Variants in KALRN observed in about 807,000 individuals in gnomAD.
KALRN encodes the protein kalirin.
In KALRN, 70 loss-of-function variants were observed where a neutral mutation model predicts 353.7. The ratio of observed to expected loss-of-function variants is 0.20; its 90% CI spans 0.16 to 0.24. The LOEUF is 0.24. Among genes scored for constraint, KALRN ranks in the 10% least tolerant of loss-of-function variants. KALRN has a pLI of 1.00. For missense variants in KALRN, 2,791 were observed against 3,756.7 expected, an observed-to-expected ratio of 0.74 and a Z score of 6.72; for synonymous variants, 1,391 against 1,434.8, an observed-to-expected ratio of 0.97 and a Z score of 0.69.
At chr3:124,184,289 ATGT>A (rs938684936) in intron 1 of KALRN, among the ~76,000 whole-genome samples, 32 of 152,204 alleles carry the variant, frequency 2.1e-4, no homozygotes, top group Non-Finnish European at 3.4e-4. Context: ...CTACCTCATA[ATGT>A]TGTTGTAAGG....
intron 1 of KALRN, among the ~76,000 whole-genome samples, chr3:124,178,761 A>G (rs1438856840): frequency 1.3e-5 from 2 of 152,200 alleles, no homozygotes; most frequent in East Asian, 3.8e-4. Flanking sequence ...ATTACTGTAC[A>G]CTACCAGACT....
intron 10 of KALRN, among the ~76,000 whole-genome samples, chr3:124,355,543 A>G (rs2083292176): frequency 6.6e-6 from 1 of 152,100 alleles, no homozygotes; most frequent in Non-Finnish European, 1.5e-5. Context: ...AGTGAAGCCA[A>G]TTTTAGCTTA....
chr3:124,634,102 G>A (rs2081091377), intron 36 of KALRN, 149 bp downstream of exon 36: 2 of 644,720 alleles, frequency 3.1e-6, no homozygotes, highest in Admixed American at 5.3e-5. Context: ...TCTCTATTTG[G>A]TAGGTGTCCC....
chr3:124,269,316 T>C, intron 5 of KALRN, 61 bp downstream of exon 5: 2 of 1,484,710 alleles, frequency 1.3e-6, no homozygotes, highest in Non-Finnish European at 1.8e-6. Flanking sequence ...AGGTTGCTCA[T>C]CCAACTTTCT....
chr3:124,338,582 C>G (rs768295983), intron 9 of KALRN, among the ~76,000 whole-genome samples: 3 of 152,004 alleles, frequency 2.0e-5, no homozygotes, highest in Admixed American at 6.6e-5. Context: ...AGAATAAGTG[C>G]GATGTGGTCC....
chr3:124,539,921 T>TGGGGGG (rs1239673391), intron 33 of KALRN, among the ~76,000 whole-genome samples: 3 of 95,544 alleles, frequency 3.1e-5, no homozygotes, highest in African/African-American at 1.8e-4. Flanking sequence ...CTAATTTTTT[T>TGGGGGG]TGGGGGGGGG....
At position 124,251,355 on chromosome 3, in the gene KALRN, C is replaced by CTTT. The variant is rs57628448; in HGVS notation, c.264-13130_264-13128dup. On this transcript the variant is annotated intron_variant, in intron 3 of 59. Coordinates refer to ENST00000682506, the MANE Select transcript of KALRN (RefSeq NM_001388419.1). ...TGCGGCGTGGCATGGCAAGTCTTTGCTTTTTTTTTTTTTTTCTTTTTTTCT... is the reference window on the plus strand; with the variant it reads ...TGCGGCGTGGCATGGCAAGTCTTTGCTTTTTTTTTTTTTTTTTTCTTTTTTTCT... Among the ~76,000 whole-genome samples, 38 of 133,654 alleles carry CTTT rather than the reference C, an allele frequency of 2.8e-4. 1 individual carries two copies. Among genetic ancestry groups the CTTT allele is most frequent in the Non-Finnish European group, 4.0e-4 (25 of 62,858 alleles). 87.7% of individuals were successfully genotyped at this position (133,654 alleles called of 152,430 possible). A position where few individuals can be genotyped will look rare whatever the true frequency, so the allele number is the denominator to read the frequency against.
chr3:124,394,594 A>G (rs2089925710), intron 11 of KALRN, among the ~76,000 whole-genome samples: 1 of 152,240 alleles, frequency 6.6e-6, no homozygotes, highest in Admixed American at 6.5e-5. Context: ...CCACATCTTT[A>G]GCATTCAGCT....
intron 2 of KALRN, among the ~76,000 whole-genome samples, chr3:124,228,901 G>A (rs897668462): frequency 6.6e-6 from 1 of 152,030 alleles, no homozygotes; most frequent in Non-Finnish European, 1.5e-5. Flanking sequence ...CTTGGCTTGT[G>A]GCTGCATCAT....
chr3:124,033,678 C>T lies in KALRN; in HGVS notation c.-63C>T, dbSNP rs2039101934. On this transcript the variant is annotated 5_prime_UTR_variant, in exon 1 of 60. Coordinates refer to ENST00000682506, the MANE Select transcript of KALRN (RefSeq NM_001388419.1). This position sits in a 1 kb window ranked among gnomAD's most constrained non-coding sequence, Gnocchi z 6.2. Reference sequence around the variant, plus strand: ...CCCGCGCCCTCCGCCCACCGGGCGCCGAGCAGCCCTCGGCCCCAGGCTTCT... The same window carrying T: ...CCCGCGCCCTCCGCCCACCGGGCGCTGAGCAGCCCTCGGCCCCAGGCTTCT... Among the ~76,000 whole-genome samples the T allele has an allele frequency of 1.3e-5, 2 of 151,746 alleles. No individual in the cohort carries two copies. The highest frequency in any genetic ancestry group is 2.9e-5 in the Non-Finnish European group (2 of 67,876).
intron 33 of KALRN, among the ~76,000 whole-genome samples, chr3:124,542,502 T>C (rs2069140437): frequency 6.6e-6 from 1 of 152,212 alleles, no homozygotes; most frequent in Admixed American, 6.5e-5. Context: ...CCTTTCTAAA[T>C]TGAATGTCAC....
chr3:124,684,840 G>T (rs1578939181), intron 51 of KALRN, among the ~76,000 whole-genome samples: 1 of 152,070 alleles, frequency 6.6e-6, no homozygotes, highest in Non-Finnish European at 1.5e-5. Flanking sequence ...TGGGAAGTTT[G>T]AGCGGCCAGA....
chr3:124,449,494 T>C (rs1369586770), intron 21 of KALRN, among the ~76,000 whole-genome samples: 1 of 152,192 alleles, frequency 6.6e-6, no homozygotes, highest in East Asian at 1.9e-4. Flanking sequence ...CACACGGAGA[T>C]GGGGAAGCTT....
chr3:124,533,525 G>A (rs2068240962), intron 33 of KALRN, among the ~76,000 whole-genome samples: 1 of 152,064 alleles, frequency 6.6e-6, no homozygotes, highest in Admixed American at 6.5e-5. Context: ...CACACCTGTG[G>A]TTCAAGCTTC....
At chr3:124,512,496 A>G (rs923240705) in intron 33 of KALRN, among the ~76,000 whole-genome samples, 25 of 152,178 alleles carry the variant, frequency 1.6e-4, no homozygotes, top group African/African-American at 5.5e-4. Flanking sequence ...CTGAAAATAC[A>G]AAAAATTAGC....
chr3:124,211,837 C>G (rs1402747951), intron 1 of KALRN, among the ~76,000 whole-genome samples: 7 of 152,116 alleles, frequency 4.6e-5, no homozygotes, highest in Non-Finnish European at 2.9e-5. Context: ...TGTGGTACCT[C>G]TATTGACTGA....
intron 34 of KALRN, among the ~76,000 whole-genome samples, chr3:124,587,211 C>T (rs917879987): frequency 3.3e-5 from 5 of 152,026 alleles, no homozygotes; most frequent in African/African-American, 1.2e-4. Context: ...AAGGCAACCT[C>T]CACACTCCAC....
At chr3:124,067,756 C>G (rs2042495996) in intron 1 of KALRN, among the ~76,000 whole-genome samples, 1 of 152,228 alleles carries the variant, frequency 6.6e-6, no homozygotes, top group Non-Finnish European at 1.5e-5. Context: ...CACACACTCA[C>G]TTTTTCAGAG....
chr3:124,305,463 C>T (rs551135173), intron 6 of KALRN, among the ~76,000 whole-genome samples: 1 of 152,278 alleles, frequency 6.6e-6, no homozygotes, highest in South Asian at 2.1e-4. Flanking sequence ...TGCCCCAGTA[C>T]ATTGTTGAAA....
Sources: gnomAD v4.1 joint callset for allele counts (sites outside exome capture counted in the v4.1 genomes callset) on GRCh38, gnomAD v4.1.1 for gene constraint, Gnocchi (gnomAD v3.1) non-coding constraint, MANE v1.5 for transcripts, NCBI Gene and HGNC (gene_info 2026-07-23, HGNC 2026-07-21) for gene names.